SEMA5A: variants seen among roughly 807,000 people sequenced by gnomAD.
SEMA5A encodes the protein semaphorin-5A.
SEMA5A carries 55 observed loss-of-function variants against 135.5 expected under a neutral mutation model. The ratio of observed to expected loss-of-function variants is 0.41; its 90% CI spans 0.33 to 0.51. SEMA5A has a LOEUF of 0.51. SEMA5A is among the 20% of genes least tolerant of loss of function. The pLI is 0.37. For missense variants in SEMA5A, 1,290 were observed against 1,419.9 expected (o/e 0.91, Z 1.47); for synonymous variants, 580 against 546.5 (o/e 1.06, Z -0.85).
At chr5:9,340,381 G>A (rs1313560327) in intron 3 of SEMA5A, among the ~76,000 whole-genome samples, 1 of 152,164 alleles carries the variant, frequency 6.6e-6, no homozygotes, top group Non-Finnish European at 1.5e-5. Flanking sequence ...GGAGTGAAGA[G>A]ATGAGCCTCT....
chr5:9,334,841 G>T (rs553055460), intron 4 of SEMA5A, among the ~76,000 whole-genome samples: 1 of 152,282 alleles, frequency 6.6e-6, no homozygotes, highest in Non-Finnish European at 1.5e-5. Context: ...AAATTTAACT[G>T]GGCATCATGG....
intron 5 of SEMA5A, among the ~76,000 whole-genome samples, chr5:9,262,964 A>T (rs533748711): frequency 2.3e-3 from 346 of 150,102 alleles, no homozygotes; most frequent in African/African-American, 6.8e-3. Context: ...CGAAAAAATA[A>T]AAATAAAAAT....
intron 8 of SEMA5A, among the ~76,000 whole-genome samples, chr5:9,206,797 G>A (rs1333346141): frequency 1.3e-5 from 2 of 151,052 alleles, no homozygotes; most frequent in East Asian, 2.0e-4. Context: ...GCCTGTACAC[G>A]ATGCCTGTGA....
In SEMA5A at chr5:9,369,001, A is replaced by G. The variant is rs551059472; in HGVS notation, c.124+10822T>C. On this transcript the variant is annotated intron_variant, in intron 3 of 22. Transcript: ENST00000382496. ...CCAAGTGGCTGAATCATTATGCATC[A>G]TCATCCTGCATTATTAACAACAAAA... 1.9e-4 allele frequency among the ~76,000 whole-genome samples: 29 copies of G among 152,324 alleles called. No homozygotes were observed. In the East Asian group the frequency reaches 5.6e-3, roughly 29 times the overall value.
Position 9,288,334 on chromosome 5 carries a change from G to A in SEMA5A, c.270+30038C>T, listed in dbSNP as rs897736396. Among the ~76,000 whole-genome samples the A allele has an allele frequency of 6.6e-5, 10 of 152,164 alleles. No individual in the cohort carries two copies. The South Asian group carries it at 1.0e-3, about 16-fold the overall frequency. On this transcript the variant is annotated intron_variant, in intron 5 of 22. Transcript: ENST00000382496. ...AGAGCCAGGTGGGTGTGGCTGCTGC[G>A]GTGTGAGGCCAGGGCCACAGCCAGT... is the stretch of plus-strand genomic sequence containing the variant.
chr5:9,508,200 G>C (rs1156390728), intron 1 of SEMA5A, among the ~76,000 whole-genome samples: 1 of 151,986 alleles, frequency 6.6e-6, no homozygotes, highest in Non-Finnish European at 1.5e-5. Flanking sequence ...TTTCTCCACT[G>C]TTTCTCATTT....
intron 6 of SEMA5A, among the ~76,000 whole-genome samples, chr5:9,233,461 C>T (rs1371031581): frequency 2.0e-5 from 3 of 151,802 alleles, no homozygotes; most frequent in Non-Finnish European, 4.4e-5. Context: ...AGATTCCCCA[C>T]CCCCACTTTT....
At chr5:9,424,925 C>T (rs1372249787) in intron 2 of SEMA5A, among the ~76,000 whole-genome samples, 2 of 152,206 alleles carry the variant, frequency 1.3e-5, no homozygotes, top group Non-Finnish European at 2.9e-5. Context: ...TCTAGCTACC[C>T]TGGAATCCAT....
At chr5:9,479,493 T>G (rs1759792319) in intron 1 of SEMA5A, among the ~76,000 whole-genome samples, 1 of 152,140 alleles carries the variant, frequency 6.6e-6, no homozygotes. Context: ...AGCTTATAAG[T>G]GTTCCATCTG....
chr5:9,485,087 G>C (rs933883278), intron 1 of SEMA5A, among the ~76,000 whole-genome samples: 1 of 152,072 alleles, frequency 6.6e-6, no homozygotes, highest in Non-Finnish European at 1.5e-5. Context: ...ATTATTCATT[G>C]TTTATCTGAA....
At chr5:9,076,454 C>T (rs1738064082) in intron 16 of SEMA5A, among the ~76,000 whole-genome samples, 1 of 152,080 alleles carries the variant, frequency 6.6e-6, no homozygotes, top group Non-Finnish European at 1.5e-5. Context: ...AAGGTAAAAA[C>T]ATGCAGCTGG....
At chr5:9,121,393 T>C (rs925688364) in intron 14 of SEMA5A, among the ~76,000 whole-genome samples, 3 of 152,248 alleles carry the variant, frequency 2.0e-5, no homozygotes, top group Non-Finnish European at 4.4e-5. Flanking sequence ...GTTCACTTTC[T>C]AGATTTTTAA....
At chr5:9,099,909 C>T (rs143066195) in intron 16 of SEMA5A, among the ~76,000 whole-genome samples, 3 of 152,320 alleles carry the variant, frequency 2.0e-5, no homozygotes, top group South Asian at 2.1e-4. Flanking sequence ...GCTTCACTCT[C>T]GACACTCTGT....
chr5:9,495,251 T>A lies in SEMA5A; in HGVS notation c.-175+50333A>T, dbSNP rs1735241060. 2.0e-5 allele frequency among the ~76,000 whole-genome samples: 3 copies of A among 151,892 alleles called. No individual in the cohort carries two copies. The South Asian group carries it at 6.2e-4, about 32-fold the overall frequency. ...GTGATTAAACCACCAATACTAGGAG[T>A]CAGCAGGCAGGCTGTGTCCACAATA... is the stretch of plus-strand genomic sequence containing the variant. On this transcript the variant is annotated intron_variant, in intron 1 of 22. Transcript: ENST00000382496.
At position 9,037,648 on chromosome 5, in the gene SEMA5A, T is replaced by C. The variant is rs1446739904; in HGVS notation, c.*5249A>G. On this transcript the variant is annotated 3_prime_UTR_variant, in exon 23 of 23. Coordinates refer to ENST00000382496, the MANE Select transcript of SEMA5A (RefSeq NM_003966.3). ...CATTACATCTTATTTACCTTTTCTA[T>C]TACCAAAAGAGAAAAGAAGCAAGGA... The C allele has an allele frequency of 1.3e-5, 2 of 152,178 alleles. No individual in the cohort carries two copies. The highest frequency in any genetic ancestry group is 6.5e-5 in the Admixed American group (1 of 15,270). The allele number at this position is 152,178 out of a possible 1,614,324, so 9.4% of individuals were successfully genotyped here.
chr5:9,036,980 C>T lies in SEMA5A; in HGVS notation c.*5917G>A, dbSNP rs1735685676. The T allele has an allele frequency of 6.6e-6, 1 of 152,210 alleles. No homozygotes were observed. The highest frequency in any genetic ancestry group is 2.4e-5 in the African/African-American group (1 of 41,430). 9.4% of individuals were successfully genotyped at this position (152,210 alleles called of 1,614,324 possible). A position where few individuals can be genotyped will look rare whatever the true frequency, so the allele number is the denominator to read the frequency against. On this transcript the variant is annotated 3_prime_UTR_variant, in exon 23 of 23. Transcript: ENST00000382496. Reference sequence around the variant, plus strand: ...GCTTGTATTTATCAAACATTTGAATCATTTTATTACTGCCATTCATCTAAC... The same window carrying T: ...GCTTGTATTTATCAAACATTTGAATTATTTTATTACTGCCATTCATCTAAC...
At chr5:9,530,759 G>T (rs1351894761) in intron 1 of SEMA5A, among the ~76,000 whole-genome samples, 1 of 152,156 alleles carries the variant, frequency 6.6e-6, no homozygotes, top group Non-Finnish European at 1.5e-5. Flanking sequence ...TCCTTCTCCA[G>T]AGCTCAGAGG....
rs188973821 is a variant in SEMA5A at position 9,046,890 on chromosome 5, C to T, written c.2894-2306G>A. On this transcript the variant is annotated intron_variant, in intron 21 of 22. Transcript: ENST00000382496. ...AAGTGCCAGTGGATAATGCAGTTCC[C>T]AGCACAGTCCTGATCACTCACTCAC... is the stretch of plus-strand genomic sequence containing the variant. Among the ~76,000 whole-genome samples, 33 of 152,300 alleles carry T rather than the reference C, an allele frequency of 2.2e-4. No homozygotes were observed. The South Asian group carries it at 4.8e-3, about 22-fold the overall frequency.
chr5:9,452,463 C>T (rs1758681009), intron 1 of SEMA5A, among the ~76,000 whole-genome samples: 1 of 152,298 alleles, frequency 6.6e-6, no homozygotes, highest in Middle Eastern at 3.4e-3. Context: ...AATACACACT[C>T]TCTCAGGCAA....
Sources: allele counts gnomAD v4.1 joint callset (sites outside exome capture counted in the v4.1 genomes callset), GRCh38; gene constraint gnomAD v4.1.1; transcripts MANE v1.5; gene names NCBI Gene and HGNC (gene_info 2026-07-23, HGNC 2026-07-21).